Variants in CSMD3 observed in about 807,000 individuals in gnomAD.
The protein encoded by CSMD3 is CUB and Sushi multiple domains 3.
CSMD3 carries 177 observed loss-of-function variants against 435.2 expected under a neutral mutation model. The ratio of observed to expected loss-of-function variants is 0.41; its 90% confidence interval spans 0.36 to 0.46. The LOEUF is 0.46. Ranked by LOEUF, CSMD3 falls within the 20% of genes least tolerant of loss-of-function variation. The probability of loss-of-function intolerance (pLI) is 0.34; values close to 1 mark genes in which losing one functional copy is unlikely to be tolerated. For missense variants in CSMD3, 4,265 were observed against 4,504.6 expected (o/e 0.95, Z 1.52); for synonymous variants, 1,656 against 1,520.5 (o/e 1.09, Z -2.07).
At chr8:113,118,160 C>A (rs72685845) in intron 4 of CSMD3, among the ~76,000 whole-genome samples, 1 of 152,090 alleles carries the variant, frequency 6.6e-6, no homozygotes, top group Non-Finnish European at 1.5e-5. Flanking sequence ...TACAATATCC[C>A]ATTATGTAAT....
At chr8:113,380,342 A>G (rs1195943715) in intron 1 of CSMD3, among the ~76,000 whole-genome samples, 1 of 152,222 alleles carries the variant, frequency 6.6e-6, no homozygotes, top group Non-Finnish European at 1.5e-5. Flanking sequence ...AAACTAAGGT[A>G]TGAATAAAAC....
intron 13 of CSMD3, among the ~76,000 whole-genome samples, chr8:112,789,074 T>G (rs2078624058): frequency 6.6e-6 from 1 of 152,120 alleles, no homozygotes; most frequent in Non-Finnish European, 1.5e-5. Flanking sequence ...ACTCCAGGAT[T>G]TGTTTTTTAA....
At chr8:113,347,303 A>G (rs1416884220) in intron 1 of CSMD3, among the ~76,000 whole-genome samples, 1 of 152,016 alleles carries the variant, frequency 6.6e-6, no homozygotes, top group African/African-American at 2.4e-5. Flanking sequence ...TACCCTACCC[A>G]TCTTAACCTA....
chr8:112,483,873 G>C (rs535724041), intron 31 of CSMD3, among the ~76,000 whole-genome samples: 1 of 152,260 alleles, frequency 6.6e-6, no homozygotes, highest in East Asian at 1.9e-4. Context: ...TTCATGGCTT[G>C]TATTTTCTTC....
At chr8:112,347,911 C>G (rs1825811553) in intron 40 of CSMD3, among the ~76,000 whole-genome samples, 1 of 152,166 alleles carries the variant, frequency 6.6e-6, no homozygotes, top group South Asian at 2.1e-4. Context: ...CTTGCCTTCA[C>G]AATTTCAAGT....
intron 35 of CSMD3, among the ~76,000 whole-genome samples, chr8:112,394,392 T>G (rs566182746): frequency 9.2e-5 from 14 of 152,266 alleles, no homozygotes; most frequent in Admixed American, 5.9e-4. Context: ...CTACAGTGAT[T>G]TATTAGAAAC....
chr8:112,406,440 T>C, intron 35 of CSMD3, 84 bp downstream of exon 35: 2 of 746,830 alleles, frequency 2.7e-6, no homozygotes, highest in Non-Finnish European at 4.4e-6. Flanking sequence ...AATTATTAGA[T>C]CTGAAATTTA....
chr8:112,340,908 T>A (rs1169281531), intron 42 of CSMD3, among the ~76,000 whole-genome samples: 2 of 152,106 alleles, frequency 1.3e-5, no homozygotes, highest in African/African-American at 4.8e-5. Flanking sequence ...CATTTGAGCC[T>A]AGCTCTACTT....
chr8:112,766,111 T>A (rs1454305931), intron 13 of CSMD3, among the ~76,000 whole-genome samples: 2 of 151,728 alleles, frequency 1.3e-5, no homozygotes, highest in Non-Finnish European at 3.0e-5. Flanking sequence ...CACTTCTCTC[T>A]ACTCTCCACA....
chr8:113,116,170 T>A (rs947404377), intron 4 of CSMD3, among the ~76,000 whole-genome samples: 1 of 152,166 alleles, frequency 6.6e-6, no homozygotes, highest in East Asian at 1.9e-4. Context: ...CTGATATGAT[T>A]TGGCTGTGTC....
At chr8:112,942,913 C>A (rs925010920) in intron 9 of CSMD3, among the ~76,000 whole-genome samples, 1 of 151,716 alleles carries the variant, frequency 6.6e-6, no homozygotes, top group African/African-American at 2.4e-5. Context: ...GAATGTCTTC[C>A]AAAGTGGCTT....
At chr8:112,907,643 G>A (rs2082299266) in intron 10 of CSMD3, among the ~76,000 whole-genome samples, 1 of 151,320 alleles carries the variant, frequency 6.6e-6, no homozygotes, top group African/African-American at 2.4e-5. Flanking sequence ...AAAGGGGCAT[G>A]TTGGGAGGAA....
chr8:113,259,308 C>A (rs1051941007), intron 3 of CSMD3, among the ~76,000 whole-genome samples: 2 of 152,082 alleles, frequency 1.3e-5, no homozygotes, highest in African/African-American at 4.8e-5. Context: ...GGCATGAGAA[C>A]ATGCTTAAAA....
chr8:113,276,844 T>A (rs564413746), intron 3 of CSMD3, among the ~76,000 whole-genome samples: 1 of 152,152 alleles, frequency 6.6e-6, no homozygotes, highest in African/African-American at 2.4e-5. Context: ...ATATTTTAAG[T>A]CAGCACATGC....
At chr8:112,435,780 A>G (rs1366871008) in intron 32 of CSMD3, among the ~76,000 whole-genome samples, 1 of 152,034 alleles carries the variant, frequency 6.6e-6, no homozygotes, top group Non-Finnish European at 1.5e-5. Flanking sequence ...TGTGTCTGAT[A>G]TACTATGCTC....
intron 32 of CSMD3, among the ~76,000 whole-genome samples, chr8:112,458,214 C>CA (rs56220822): frequency 0.19 from 27,876 of 148,270 alleles, 3,126 homozygotes; most frequent in Middle Eastern, 0.37. Flanking sequence ...CACACTCACA[C>CA]CCACACACAC....
At chr8:112,390,619 A>T (rs2129718351) in intron 36 of CSMD3, 45 bp downstream of exon 36, 1 of 1,519,752 alleles carries the variant, frequency 6.6e-7, no homozygotes, top group Non-Finnish European at 9.1e-7. Context: ...GAAAAGATTA[A>T]CTACACACAT....
Position 112,318,926 on chromosome 8 carries a change from A to C in CSMD3, c.7271T>G (p.Leu2424Arg), listed in dbSNP as rs1396277245. 1 of 1,610,324 alleles carries C rather than the reference A, an allele frequency of 6.2e-7. No individual in the cohort carries two copies. Among genetic ancestry groups the C allele is most frequent in the Non-Finnish European group, 8.5e-7 (1 of 1,177,914 alleles). The change falls in exon 47 of 71, where the codon CTT becomes CGT. Residue 2424 changes from leucine (L) to arginine (R), a missense_variant. This residue lies in a region of CSMD3 where 3,255 missense variants were observed against 3,380.2 expected (regional missense o/e 0.96). Coordinates refer to ENST00000297405, the MANE Select transcript of CSMD3 (RefSeq NM_198123.2). ...ATTACCAACTAAAGTAAATCCTGGA[A>C]GACACTGATACCTAATAATATCACC... is the stretch of plus-strand genomic sequence containing the variant. ...EIGDIIRYQC[L>R]PGFTLVGNAI...
intron 32 of CSMD3, among the ~76,000 whole-genome samples, chr8:112,428,134 T>A (rs1027384607): frequency 6.6e-6 from 1 of 152,180 alleles, no homozygotes; most frequent in African/African-American, 2.4e-5. Flanking sequence ...AGGATTCATG[T>A]ATGCTTTTTA....
Sources: allele counts gnomAD v4.1 joint callset (sites outside exome capture counted in the v4.1 genomes callset), GRCh38; gene constraint gnomAD v4.1.1; regional missense constraint gnomAD v4.1.1; transcripts MANE v1.5; gene names NCBI Gene and HGNC (gene_info 2026-07-23, HGNC 2026-07-21).